ADAM18: variants seen among roughly 807,000 people sequenced by gnomAD.
The protein encoded by ADAM18 is disintegrin and metalloproteinase domain-containing protein 18.
A neutral mutation model predicts 94.4 loss-of-function variants in ADAM18; 117 were observed. The observed-to-expected ratio is 1.24, with a 90% CI of 1.07 to 1.45. ADAM18 has a LOEUF of 1.45. ADAM18 is among the 40% of genes most tolerant of loss of function. The pLI is 0.00. For missense variants in ADAM18, 936 were observed against 880.0 expected, an observed-to-expected ratio of 1.06 and a Z score of -0.81; for synonymous variants, 327 against 291.6, an observed-to-expected ratio of 1.12 and a Z score of -1.24.
chr8:39,610,409 G>A, intron 5 of ADAM18, 120 bp from the exon 6 acceptor site: 1 of 1,218,732 alleles, frequency 8.2e-7, no homozygotes, highest in Non-Finnish European at 1.1e-6. Context: ...AAAGAAAATG[G>A]GCTTAAAATG....
chr8:39,720,343 T>C (rs1480757979), intron 18 of ADAM18, among the ~76,000 whole-genome samples: 1 of 151,356 alleles, frequency 6.6e-6, no homozygotes, highest in Non-Finnish European at 1.5e-5. Context: ...GCTTGGGAAA[T>C]GTGTATGGAT....
intron 12 of ADAM18, among the ~76,000 whole-genome samples, chr8:39,660,778 G>A (rs934031914): frequency 1.3e-5 from 2 of 152,076 alleles, no homozygotes; most frequent in African/African-American, 4.8e-5. Flanking sequence ...TATAAAATAA[G>A]CATTAAAAAG....
At chr8:39,718,192 T>C (rs910922744) in intron 18 of ADAM18, among the ~76,000 whole-genome samples, 4 of 151,552 alleles carry the variant, frequency 2.6e-5, no homozygotes, top group Non-Finnish European at 4.4e-5. Flanking sequence ...AACTGTCATA[T>C]GATCCAGCCA....
At chr8:39,621,082 C>T (rs916849713) in intron 6 of ADAM18, among the ~76,000 whole-genome samples, 3 of 151,816 alleles carry the variant, frequency 2.0e-5, no homozygotes, top group Admixed American at 2.0e-4. Flanking sequence ...CAAAAGCCAA[C>T]ATTTAAAAAA....
chr8:39,650,006 A>T (rs983460932), intron 12 of ADAM18, among the ~76,000 whole-genome samples: 10 of 152,332 alleles, frequency 6.6e-5, no homozygotes, highest in African/African-American at 2.4e-4. Context: ...AATAGTTGCA[A>T]CAGATACTAT....
At chr8:39,597,703 A>C (rs539546838) in intron 2 of ADAM18, among the ~76,000 whole-genome samples, 10 of 152,272 alleles carry the variant, frequency 6.6e-5, no homozygotes, top group African/African-American at 2.2e-4. Context: ...TCTTGACATC[A>C]GGTAGTGTCA....
intron 6 of ADAM18, among the ~76,000 whole-genome samples, chr8:39,615,531 A>G (rs13263586): frequency 0.34 from 51,264 of 152,062 alleles, 9,856 homozygotes; most frequent in Non-Finnish European, 0.43. Flanking sequence ...TTATGTAAAG[A>G]ACCCTTAACA....
intron 2 of ADAM18, among the ~76,000 whole-genome samples, chr8:39,596,951 T>G (rs1329080543): frequency 6.6e-6 from 1 of 152,142 alleles, no homozygotes; most frequent in Non-Finnish European, 1.5e-5. Context: ...CAGTATTAGG[T>G]TCAGAGAAAA....
At chr8:39,649,380 G>A (rs1820465898) in intron 12 of ADAM18, among the ~76,000 whole-genome samples, 1 of 150,060 alleles carries the variant, frequency 6.7e-6, no homozygotes, top group Non-Finnish European at 1.5e-5. Context: ...ACACATACAT[G>A]TATATATATA....
chr8:39,624,812 T>G (rs1819717040), intron 6 of ADAM18, among the ~76,000 whole-genome samples: 1 of 152,170 alleles, frequency 6.6e-6, no homozygotes, highest in Non-Finnish European at 1.5e-5. Context: ...TGCTCTCTCT[T>G]TCTCCTGCTC....
At position 39,654,153 on chromosome 8, in the gene ADAM18, C is replaced by CTTTTTTTTTTTTTTTTTTTTTTTT. The variant is rs1563292600; in HGVS notation, c.1230+5626_1230+5627insTTTTTTTTTTTTTTTTTTTTTTTT. Among the ~76,000 whole-genome samples the CTTTTTTTTTTTTTTTTTTTTTTTT allele has an allele frequency of 1.7e-5, 2 of 118,770 alleles. 1 individual carries two copies. The highest frequency in any genetic ancestry group is 3.6e-5 in the Non-Finnish European group (2 of 56,282). 77.9% of individuals were successfully genotyped at this position (118,770 alleles called of 152,430 possible). On this transcript the variant is annotated intron_variant, in intron 12 of 19. Transcript: ENST00000265707. ...TTGCTGCCACTGACAGGATTTCATT[C>CTTTTTTTTTTTTTTTTTTTTTTTT]CTTTTTTTTTTTTTTTTTTTTGGAG...
At chr8:39,595,799 C>T (rs1482632545) in intron 2 of ADAM18, among the ~76,000 whole-genome samples, 1 of 152,184 alleles carries the variant, frequency 6.6e-6, no homozygotes, top group Non-Finnish European at 1.5e-5. Context: ...GCTGGGATTG[C>T]AGGAGTGAGC....
intron 12 of ADAM18, among the ~76,000 whole-genome samples, chr8:39,655,980 T>G (rs1820671211): frequency 1.3e-5 from 2 of 152,180 alleles, no homozygotes; most frequent in African/African-American, 4.8e-5. Context: ...ATGGGACTAC[T>G]TAATCAATGC....
chr8:39,594,163 T>A (rs1393132290), intron 2 of ADAM18, among the ~76,000 whole-genome samples: 1 of 152,210 alleles, frequency 6.6e-6, no homozygotes, highest in Non-Finnish European at 1.5e-5. Flanking sequence ...ACTTTAGATA[T>A]TACATTACAT....
chr8:39,634,252 CA>C (rs1820014459), intron 7 of ADAM18, among the ~76,000 whole-genome samples: 1 of 152,138 alleles, frequency 6.6e-6, no homozygotes, highest in Non-Finnish European at 1.5e-5. Flanking sequence ...GCTAACTCTC[CA>C]GGCTCACAGA....
At position 39,606,332 on chromosome 8, in the gene ADAM18, G is replaced by T; in HGVS notation, c.158G>T (p.Gly53Val). The change falls in exon 3 of 20, where the codon GGA (glycine) becomes GTA (valine). Residue 53 changes from glycine (G) to valine (V), a missense_variant. Physicochemically the swap from Gly to Val is moderately radical, Grantham distance 109. Coordinates refer to ENST00000265707, the MANE Select transcript of ADAM18 (RefSeq NM_014237.3). ...RKMIYIITID[G>V]QPYTLHLGKQ... ...ATGATTTACATCATTACAATTGATG[G>T]ACAACCTTACACTCTACATCTCGGA... The T allele has an allele frequency of 6.4e-7, 1 of 1,561,640 alleles. No individual in the cohort carries two copies. The highest frequency in any genetic ancestry group is 1.2e-5 in the South Asian group (1 of 84,058).
chr8:39,626,396 T>C (rs1714743412), intron 6 of ADAM18, among the ~76,000 whole-genome samples: 1 of 152,078 alleles, frequency 6.6e-6, no homozygotes, highest in South Asian at 2.1e-4. Context: ...TTTGTTTCAA[T>C]TTCATTTAAA....
chr8:39,637,347 C>G lies in ADAM18; in HGVS notation c.660+12C>G, dbSNP rs777168528. 1 of 1,585,876 alleles carries G rather than the reference C, an allele frequency of 6.3e-7. No individual in the cohort carries two copies. On this transcript the variant is annotated intron_variant, in intron 8 of 19. Coordinates refer to ENST00000265707, the MANE Select transcript of ADAM18 (RefSeq NM_014237.3). ...GGCTTGTCAACACTGTAAGTTTTTA[C>G]TTTTTCACATTTCCATTTTCATGAA...
At chr8:39,715,161 A>G (rs529615199) in intron 18 of ADAM18, among the ~76,000 whole-genome samples, 69 of 152,234 alleles carry the variant, frequency 4.5e-4, no homozygotes, top group Non-Finnish European at 8.7e-4. Flanking sequence ...ACTAGAAATC[A>G]GTAACAAAAA....
Sources: gnomAD v4.1 joint callset for allele counts (sites outside exome capture counted in the v4.1 genomes callset) on GRCh38, gnomAD v4.1.1 for gene constraint, MANE v1.5 for transcripts, NCBI Gene and HGNC (gene_info 2026-07-23, HGNC 2026-07-21) for gene names.